ZPR1: variants seen among roughly 807,000 people sequenced by gnomAD.
The protein encoded by ZPR1 is ZPR1 zinc finger.
Under a neutral mutation model 59.6 loss-of-function variants are expected in ZPR1, and 37 were observed. The observed-to-expected ratio is 0.62, with a 90% CI of 0.48 to 0.82. ZPR1 has a LOEUF of 0.82. Among genes scored for constraint, ZPR1 ranks in the 40% least tolerant of loss-of-function variants. ZPR1 has a pLI of 0.00. For synonymous variants in ZPR1, 191 were observed against 215.2 expected, an observed-to-expected ratio of 0.89 and a Z score of 0.99; for missense variants, 527 against 579.9, an observed-to-expected ratio of 0.91 and a Z score of 0.94.
intron 9 of ZPR1, 143 bp downstream of exon 9, chr11:116,784,235 A>C (rs751786297): frequency 1.4e-6 from 1 of 740,278 alleles, no homozygotes; most frequent in Admixed American, 2.5e-5. Flanking sequence ...TCAAGGGCTC[A>C]TCACCCTGCA....
chr11:116,787,426 C>T, intron 2 of ZPR1, 56 bp downstream of exon 2: 1 of 1,573,878 alleles, frequency 6.4e-7, no homozygotes, highest in South Asian at 1.1e-5. Context: ...GAGCTCTGAC[C>T]CCAGTACCGA....
chr11:116,777,301 G>A lies in ZPR1; in HGVS notation c.*1624C>T, dbSNP rs534970403. On this transcript the variant is annotated 3_prime_UTR_variant, in exon 14 of 14. Transcript: ENST00000227322. Reference sequence around the variant, plus strand: ...AAATCACTTGTGACCTTTGAGAGTAGTTTAACAGAGCAACGAGAGTAGATG... The same window carrying A: ...AAATCACTTGTGACCTTTGAGAGTAATTTAACAGAGCAACGAGAGTAGATG... 6.6e-6 allele frequency: 1 copy of A among 152,362 alleles called. No homozygotes were observed. Among genetic ancestry groups the A allele is most frequent in the South Asian group, 2.1e-4 (1 of 4,830 alleles). The allele number at this position is 152,362 out of a possible 1,614,324, so 9.4% of individuals were successfully genotyped here.
intron 1 of ZPR1, 78 bp downstream of exon 1, chr11:116,787,742 C>T (rs1204361878): frequency 1.3e-6 from 2 of 1,525,476 alleles, no homozygotes; most frequent in African/African-American, 1.4e-5. Flanking sequence ...GCCGGGCCCA[C>T]CTGGCTGGGT....
chr11:116,779,344 T>C (rs960093204), intron 13 of ZPR1, among the ~76,000 whole-genome samples: 2 of 152,120 alleles, frequency 1.3e-5, no homozygotes, highest in Non-Finnish European at 2.9e-5. Flanking sequence ...GGAAAGAACT[T>C]AGAAGAGTTT....
Position 116,776,155 on chromosome 11 carries a change from A to G in ZPR1, c.*2770T>C, listed in dbSNP as rs1940720063. ...TACCTGTATGTTCGTCCACACGTCT[A>G]ATGACCGAACATGGCTGCATTTCAC... On this transcript the variant is annotated 3_prime_UTR_variant, in exon 14 of 14. Transcript: ENST00000227322. 6.6e-6 allele frequency: 1 copy of G among 152,256 alleles called. No homozygotes were observed. Among genetic ancestry groups the G allele is most frequent in the Non-Finnish European group, 1.5e-5 (1 of 68,050 alleles). The allele number at this position is 152,256 out of a possible 1,614,324, so 9.4% of individuals were successfully genotyped here.
rs1217488117 is a variant in ZPR1, at chr11:116,774,763, C to T, written c.*4162G>A. ...TACCCCATACACAAGCCTGCCTTGG[C>T]TTCTCGTCCAATTTGGTGCATCTCA... On this transcript the variant is annotated 3_prime_UTR_variant, in exon 14 of 14. Transcript: ENST00000227322. 1.3e-5 allele frequency: 2 copies of T among 152,298 alleles called. No individual in the cohort carries two copies. The highest frequency in any genetic ancestry group is 2.9e-5 in the Non-Finnish European group (2 of 68,154). 9.4% of individuals were successfully genotyped at this position (152,298 alleles called of 1,614,324 possible).
In ZPR1 at chr11:116,775,456, CAAAAAAAAAAAAA is replaced by C. The variant is rs556748837; in HGVS notation, c.*3456_*3468del. On this transcript the variant is annotated 3_prime_UTR_variant, in exon 14 of 14. Transcript: ENST00000227322. ...CTGGGTGACAGAGCAAGACTGTCTC[CAAAAAAAAAAAAA>C]AAAAAAAAATTAGCCAGGCATGGTG... 2 of 67,952 alleles carry C rather than the reference CAAAAAAAAAAAAA, an allele frequency of 2.9e-5. No individual in the cohort carries two copies. The highest frequency in any genetic ancestry group is 3.1e-4 in the Admixed American group (2 of 6,378). 4.2% of individuals were successfully genotyped at this position (67,952 alleles called of 1,614,324 possible).
At chr11:116,779,646 C>A in intron 13 of ZPR1, 126 bp downstream of exon 13, 1 of 657,670 alleles carries the variant, frequency 1.5e-6, no homozygotes, top group Non-Finnish European at 2.5e-6. Flanking sequence ...TATCTTCTAA[C>A]TTCTGCCTCC....
chr11:116,787,791 C>A (rs754656118), intron 1 of ZPR1, 29 bp downstream of exon 1: 1 of 1,536,684 alleles, frequency 6.5e-7, no homozygotes, highest in Admixed American at 2.0e-5. Context: ...CCTACCCACC[C>A]GCCGCTCGCG....
At chr11:116,782,012 C>CAAAA (rs372842114) in intron 12 of ZPR1, 146 bp downstream of exon 12, 13 of 503,156 alleles carry the variant, frequency 2.6e-5, no homozygotes, top group Admixed American at 4.1e-5. Flanking sequence ...ACTCTGTCTC[C>CAAAA]AAAAAAAAAA....
chr11:116,779,087 G>A (rs1047160759), intron 13 of ZPR1, 28 bp from the exon 14 acceptor site: 3 of 1,611,256 alleles, frequency 1.9e-6, no homozygotes, highest in Admixed American at 1.7e-5. Context: ...GACAATCAGT[G>A]CCGCTGTGCC....
At chr11:116,782,038 C>G in intron 12 of ZPR1, 120 bp downstream of exon 12, 1 of 696,528 alleles carries the variant, frequency 1.4e-6, no homozygotes, top group South Asian at 2.2e-5. Flanking sequence ...AAAAGAAAAC[C>G]AGAAGAAGAA....
chr11:116,783,694 G>T, intron 9 of ZPR1, 75 bp from the exon 10 acceptor site: 1 of 1,213,104 alleles, frequency 8.2e-7, no homozygotes, highest in Non-Finnish European at 1.2e-6. Context: ...CTGGAGTGTA[G>T]GCTTGGACAT....
chr11:116,779,817 C>T lies in ZPR1; in HGVS notation c.1200G>A (p.Lys400=). 1 of 1,570,948 alleles carries T rather than the reference C, an allele frequency of 6.4e-7. No homozygotes were observed. Among genetic ancestry groups the T allele is most frequent in the East Asian group, 2.4e-5 (1 of 41,780 alleles). ...KMDQIIEGNM[K]AHFIMDDPAG... ...CTGGATCATCCATAATAAAGTGGGC[C>T]TTCATGTTACCTTCGATGATCTAAA... Residue 400 remains lysine (K), a synonymous_variant, in exon 13 of 14, where the codon AAG becomes AAA. Coordinates refer to ENST00000227322, the MANE Select transcript of ZPR1 (RefSeq NM_003904.5).
rs749654553 is a variant in ZPR1, at chr11:116,785,857, C to CT, written c.520dup (p.Arg174LysfsTer3). 6.2e-7 allele frequency: 1 copy of CT among 1,614,188 alleles called. No individual in the cohort carries two copies. Among genetic ancestry groups the CT allele is most frequent in the Non-Finnish European group, 8.5e-7 (1 of 1,180,038 alleles). ...CAGTTTGACAATGAACTCATCAATTCTTTCAGCTGTAGCATCTTTGTTTGC... is the reference window on the plus strand; with the variant it reads ...CAGTTTGACAATGAACTCATCAATTCTTTTCAGCTGTAGCATCTTTGTTTGC... On this transcript the variant is annotated frameshift_variant, in exon 5 of 14. Coordinates refer to ENST00000227322, the MANE Select transcript of ZPR1 (RefSeq NM_003904.5). LOFTEE classifies it high-confidence loss of function.
Position 116,788,016 on chromosome 11 carries a change from G to C in ZPR1, c.-26C>G, listed in dbSNP as rs763000803. 6.7e-5 allele frequency: 94 copies of C among 1,412,786 alleles called. No individual in the cohort carries two copies. The highest frequency in any genetic ancestry group is 8.1e-5 in the Non-Finnish European group (88 of 1,091,812). 87.5% of individuals were successfully genotyped at this position (1,412,786 alleles called of 1,614,324 possible). On this transcript the variant is annotated 5_prime_UTR_variant, in exon 1 of 14. Coordinates refer to ENST00000227322, the MANE Select transcript of ZPR1 (RefSeq NM_003904.5). ...GGCCACCACGCGCAATTCAGACCTC[G>C]GCTTCCTACTTCCGCCGCTCTCGCG...
At chr11:116,787,148 G>T in intron 2 of ZPR1, 89 bp from the exon 3 acceptor site, 4 of 1,188,170 alleles carry the variant, frequency 3.4e-6, no homozygotes, top group Non-Finnish European at 5.0e-6. Flanking sequence ...CCATCAGACC[G>T]CAGCCCAGCT....
chr11:116,778,907 C>G lies in ZPR1; in HGVS notation c.*18G>C, dbSNP rs886865264. The G allele has an allele frequency of 1.9e-6, 3 of 1,612,206 alleles. No homozygotes were observed. Among genetic ancestry groups the G allele is most frequent in the Non-Finnish European group, 2.5e-6 (3 of 1,179,736 alleles). On this transcript the variant is annotated 3_prime_UTR_variant, in exon 14 of 14. Coordinates refer to ENST00000227322, the MANE Select transcript of ZPR1 (RefSeq NM_003904.5). ...CAGAAAGAGCAGCGCTGGAGGCTGG[C>G]CCTTGAGCCACCCACTGCTACCGTT... is the stretch of plus-strand genomic sequence containing the variant.
intron 10 of ZPR1, among the ~76,000 whole-genome samples, 171 bp from the exon 11 acceptor site, chr11:116,783,200 C>T (rs970771119): frequency 1.3e-5 from 2 of 152,152 alleles, no homozygotes; most frequent in African/African-American, 4.8e-5. Flanking sequence ...ATCTGAACCA[C>T]GGGAATAGAT....
Sources: gnomAD v4.1 joint callset for allele counts (sites outside exome capture counted in the v4.1 genomes callset) on GRCh38, gnomAD v4.1.1 for gene constraint, MANE v1.5 for transcripts, NCBI Gene and HGNC (gene_info 2026-07-23, HGNC 2026-07-21) for gene names.